Variants in RBFOX1 observed in about 807,000 individuals in gnomAD.
The protein encoded by RBFOX1 is RNA binding fox-1 homolog 1, also known as RNA binding protein fox-1 homolog 1.
Under a neutral mutation model 57.7 loss-of-function variants are expected in RBFOX1, and 8 were observed. That is an observed-to-expected ratio of 0.14 (90% CI 0.08 to 0.25). RBFOX1 has a LOEUF of 0.25. RBFOX1 is among the 10% of genes least tolerant of loss of function. The pLI, the probability that RBFOX1 is intolerant of heterozygous loss-of-function variation, is 1.00. For missense variants in RBFOX1, 611 were observed against 548.5 expected (o/e 1.11, Z -1.14); for synonymous variants, 326 against 222.4 (o/e 1.47, Z -4.15).
At chr16:6,530,618 A>G (rs1268495187) in intron 2 of RBFOX1, among the ~76,000 whole-genome samples, 1 of 152,202 alleles carries the variant, frequency 6.6e-6, no homozygotes, top group Non-Finnish European at 1.5e-5. Context: ...AAGAGATTGA[A>G]TGGATTCACA....
intron 4 of RBFOX1, among the ~76,000 whole-genome samples, chr16:7,293,411 C>A (rs540011901): frequency 6.6e-6 from 1 of 152,104 alleles, no homozygotes; most frequent in African/African-American, 2.4e-5. Context: ...ATGACTCTAC[C>A]GATCCTTGTC....
chr16:6,767,601 C>T (rs1193394885), intron 3 of RBFOX1, among the ~76,000 whole-genome samples: 1 of 151,948 alleles, frequency 6.6e-6, no homozygotes, highest in Non-Finnish European at 1.5e-5. Context: ...TCTTTCAAAT[C>T]CCAAAGAACT....
chr16:5,598,532 T>G (rs1299901504), intron 2 of RBFOX1, among the ~76,000 whole-genome samples: 1 of 152,198 alleles, frequency 6.6e-6, no homozygotes, highest in Non-Finnish European at 1.5e-5. Context: ...GCAATATATT[T>G]TATTTTTATA....
At chr16:5,573,207 A>G (rs1247144785) in intron 2 of RBFOX1, among the ~76,000 whole-genome samples, 1 of 152,194 alleles carries the variant, frequency 6.6e-6, no homozygotes, top group Non-Finnish European at 1.5e-5. Context: ...GGTTGACTCC[A>G]GGCATCAGGT....
chr16:6,076,185 G>A (rs990567951), intron 1 of RBFOX1, among the ~76,000 whole-genome samples: 1 of 151,880 alleles, frequency 6.6e-6, no homozygotes, highest in African/African-American at 2.4e-5. Context: ...TATCATCCCA[G>A]CTACTCGGGA....
chr16:7,603,470 G>A (rs1488088313), intron 9 of RBFOX1, among the ~76,000 whole-genome samples: 3 of 152,222 alleles, frequency 2.0e-5, no homozygotes, highest in East Asian at 3.9e-4. Context: ...AGCATTAACG[G>A]CAATGCAGAA....
At chr16:6,882,406 C>A (rs1259033541) in intron 3 of RBFOX1, among the ~76,000 whole-genome samples, 1 of 152,038 alleles carries the variant, frequency 6.6e-6, no homozygotes, top group Non-Finnish European at 1.5e-5. Context: ...CCCAGCCTGG[C>A]CAACATGATG....
chr16:7,509,619 GTCA>G (rs2074444057), intron 4 of RBFOX1, among the ~76,000 whole-genome samples: 2 of 152,172 alleles, frequency 1.3e-5, no homozygotes, highest in Admixed American at 1.3e-4. Context: ...AATCTTCCAA[GTCA>G]TCATCAGTTA....
intron 3 of RBFOX1, among the ~76,000 whole-genome samples, chr16:6,654,968 C>G (rs527733655): frequency 1.3e-4 from 20 of 148,240 alleles, no homozygotes; most frequent in Non-Finnish European, 2.2e-4. Flanking sequence ...TTGATGTTGA[C>G]GTTCATTGTG....
intron 3 of RBFOX1, among the ~76,000 whole-genome samples, chr16:6,676,173 C>G (rs1043284173): frequency 2.0e-5 from 3 of 147,154 alleles, no homozygotes; most frequent in Admixed American, 6.9e-5. Flanking sequence ...CACACACACA[C>G]ACACACACTT....
At chr16:7,659,510 T>C (rs2067160472) in intron 12 of RBFOX1, among the ~76,000 whole-genome samples, 1 of 152,164 alleles carries the variant, frequency 6.6e-6, no homozygotes, top group Admixed American at 6.5e-5. Flanking sequence ...AATCTTTTGG[T>C]TTCCCTGGGA....
At chr16:6,187,733 T>C (rs2097114056) in intron 1 of RBFOX1, among the ~76,000 whole-genome samples, 1 of 152,164 alleles carries the variant, frequency 6.6e-6, no homozygotes, top group African/African-American at 2.4e-5. Context: ...TTGGATTTGA[T>C]GGCAAAGTGG....
chr16:6,195,121 C>T (rs1031223483), intron 1 of RBFOX1, among the ~76,000 whole-genome samples: 1 of 152,084 alleles, frequency 6.6e-6, no homozygotes, highest in Non-Finnish European at 1.5e-5. Context: ...TGTAAAATAC[C>T]CAGGAGCAAA....
intron 2 of RBFOX1, among the ~76,000 whole-genome samples, chr16:6,442,107 A>G (rs1293854758): frequency 6.6e-6 from 1 of 152,148 alleles, no homozygotes; most frequent in Non-Finnish European, 1.5e-5. Flanking sequence ...CTGCCGGGTG[A>G]TAGAAAGGGT....
chr16:5,709,595 T>C (rs1230984479), intron 3 of RBFOX1, among the ~76,000 whole-genome samples: 1 of 151,418 alleles, frequency 6.6e-6, no homozygotes, highest in African/African-American at 2.4e-5. Context: ...ACACTTCCTG[T>C]TTAACAGCAA....
chr16:6,581,213 G>C (rs2097532902), intron 2 of RBFOX1, among the ~76,000 whole-genome samples: 1 of 152,094 alleles, frequency 6.6e-6, no homozygotes, highest in Non-Finnish European at 1.5e-5. Context: ...GATTTCTAAA[G>C]ACCCAGGGAA....
chr16:7,448,877 A>C (rs1016562432), intron 4 of RBFOX1, among the ~76,000 whole-genome samples: 2 of 151,210 alleles, frequency 1.3e-5, no homozygotes, highest in African/African-American at 4.9e-5. Context: ...TACATCTGCA[A>C]CAAATAAGGT....
In RBFOX1 at chr16:6,582,485, A is replaced by G. The variant is rs1193766117; in HGVS notation, c.-63-72118A>G. 2.3e-5 allele frequency among the ~76,000 whole-genome samples: 3 copies of G among 129,600 alleles called. No individual in the cohort carries two copies. The Admixed American group carries it at 2.4e-4, about 10-fold the overall frequency. The allele number at this position is 129,600 out of a possible 152,430, so 85.0% of individuals were successfully genotyped here. On this transcript the variant is annotated intron_variant, in intron 2 of 15. Coordinates refer to ENST00000550418, the MANE Select transcript of RBFOX1 (RefSeq NM_018723.4). ...AATTTTTTTTTTTTTCAATTTTTAG[A>G]TGCCCTTGGACCTCAAAGGCCCTGA...
At chr16:5,507,485 C>A (rs1317264176) in intron 2 of RBFOX1, among the ~76,000 whole-genome samples, 1 of 152,114 alleles carries the variant, frequency 6.6e-6, no homozygotes, top group East Asian at 1.9e-4. Flanking sequence ...TCCCAGTGGG[C>A]TGGAATTGGC....
Sources: gnomAD v4.1 joint callset for allele counts (sites outside exome capture counted in the v4.1 genomes callset) on GRCh38, gnomAD v4.1.1 for gene constraint, MANE v1.5 for transcripts, NCBI Gene and HGNC (gene_info 2026-07-23, HGNC 2026-07-21) for gene names.